SORCS2: variants seen among roughly 807,000 people sequenced by gnomAD.
SORCS2 encodes the protein VPS10 domain-containing receptor SorCS2.
In SORCS2, 100 loss-of-function variants were observed where a neutral mutation model predicts 141.6. The observed-to-expected ratio is 0.71, with a 90% CI of 0.60 to 0.83. SORCS2 has a LOEUF of 0.83. SORCS2 is among the 40% of genes least tolerant of loss of function. SORCS2 has a pLI of 0.00. For synonymous variants in SORCS2, 789 were observed against 676.9 expected (o/e 1.17, Z -2.57); for missense variants, 1,646 against 1,560.2 (o/e 1.05, Z -0.93).
chr4:7,210,954 T>G (rs889944549), intron 1 of SORCS2, among the ~76,000 whole-genome samples: 3 of 152,208 alleles, frequency 2.0e-5, no homozygotes, highest in Non-Finnish European at 4.4e-5. Flanking sequence ...AGGGCTCTTC[T>G]GGGAGTGGAA....
intron 1 of SORCS2, among the ~76,000 whole-genome samples, chr4:7,254,891 A>G (rs1332832189): frequency 6.6e-6 from 1 of 152,032 alleles, no homozygotes; most frequent in Admixed American, 6.5e-5. Context: ...GATCTGACTC[A>G]GCAGGTTTGG....
At chr4:7,434,923 G>A (rs1205456680) in intron 2 of SORCS2, 1 of 1,486,194 alleles carries the variant, frequency 6.7e-7, no homozygotes, top group South Asian at 1.4e-5. Flanking sequence ...AGCAGTGGCT[G>A]CTGCTATAAA....
At chr4:7,401,890 G>A (rs546670297) in intron 2 of SORCS2, among the ~76,000 whole-genome samples, 4 of 152,156 alleles carry the variant, frequency 2.6e-5, no homozygotes, top group South Asian at 2.1e-4. Flanking sequence ...ATTCTTTTTC[G>A]TTATCTTCAC....
At chr4:7,296,692 C>T (rs939475581) in intron 1 of SORCS2, among the ~76,000 whole-genome samples, 3 of 152,196 alleles carry the variant, frequency 2.0e-5, no homozygotes, top group South Asian at 2.1e-4. Context: ...CTGAGAAGTG[C>T]GGGGAGGGGT....
intron 2 of SORCS2, among the ~76,000 whole-genome samples, chr4:7,404,365 C>T (rs942868388): frequency 2.0e-5 from 3 of 152,034 alleles, no homozygotes; most frequent in Admixed American, 2.0e-4. Context: ...TGGGTAGGTA[C>T]CTAGTAGTGG....
chr4:7,254,698 A>G (rs1713729206), intron 1 of SORCS2, among the ~76,000 whole-genome samples: 1 of 152,200 alleles, frequency 6.6e-6, no homozygotes, highest in Non-Finnish European at 1.5e-5. Context: ...TGGGAATTCC[A>G]TGGACGTGAC....
chr4:7,684,551 C>T (rs16840820), intron 10 of SORCS2, among the ~76,000 whole-genome samples: 6,336 of 152,280 alleles, frequency 0.042, 178 homozygotes, highest in South Asian at 0.064. Flanking sequence ...CCCACTGTCA[C>T]CCATAAGCCC....
chr4:7,328,619 C>T (rs1027270416), intron 1 of SORCS2, among the ~76,000 whole-genome samples: 6 of 152,316 alleles, frequency 3.9e-5, no homozygotes, highest in African/African-American at 7.2e-5. Context: ...AGCACCTTCT[C>T]GTGCTCTGCC....
chr4:7,352,260 C>G (rs1017907570), intron 1 of SORCS2, among the ~76,000 whole-genome samples: 1 of 152,240 alleles, frequency 6.6e-6, no homozygotes, highest in African/African-American at 2.4e-5. Context: ...TCTCTCAGTG[C>G]TAAGAACTGA....
chr4:7,396,692 T>C (rs1473608359), intron 2 of SORCS2, among the ~76,000 whole-genome samples: 1 of 152,236 alleles, frequency 6.6e-6, no homozygotes, highest in Admixed American at 6.5e-5. Context: ...TCCCTTCACT[T>C]GTGCTCAGAA....
chr4:7,611,546 G>T (rs1718406594), intron 3 of SORCS2, among the ~76,000 whole-genome samples: 1 of 152,192 alleles, frequency 6.6e-6, no homozygotes, highest in African/African-American at 2.4e-5. Flanking sequence ...ATCACCCAAG[G>T]TGTCAGCCTT....
rs565544667 is a variant in SORCS2, at chr4:7,213,336, C to A, written c.480+20210C>A. Among the ~76,000 whole-genome samples, 6 of 152,226 alleles carry A rather than the reference C, an allele frequency of 3.9e-5. No individual in the cohort carries two copies. In the East Asian group the frequency reaches 1.2e-3, roughly 30 times the overall value. ...ACTGGGAGGCACAGAGGCAAGCTGT[C>A]TTGGGAGAGCTGGGACCTTTGTGTC... is the stretch of plus-strand genomic sequence containing the variant. On this transcript the variant is annotated intron_variant, in intron 1 of 26. Coordinates refer to ENST00000507866, the MANE Select transcript of SORCS2 (RefSeq NM_020777.3).
intron 13 of SORCS2, 69 bp from the exon 14 acceptor site, chr4:7,704,108 C>T (rs769926947): frequency 5.5e-5 from 80 of 1,451,014 alleles, no homozygotes; most frequent in South Asian, 8.5e-5. Flanking sequence ...CTGGACCCGC[C>T]GGGCAGAGTC....
chr4:7,400,876 T>G (rs867178537), intron 2 of SORCS2, among the ~76,000 whole-genome samples: 1 of 151,156 alleles, frequency 6.6e-6, no homozygotes, highest in Non-Finnish European at 1.5e-5. Context: ...AATGGAAGAA[T>G]AGGTGGATAG....
At chr4:7,712,611 G>A in intron 14 of SORCS2, 122 bp from the exon 15 acceptor site, 9 of 1,409,430 alleles carry the variant, frequency 6.4e-6, no homozygotes, top group Non-Finnish European at 8.8e-6. Flanking sequence ...GCAAGGGCAG[G>A]AGAAGGATAT....
intron 1 of SORCS2, among the ~76,000 whole-genome samples, chr4:7,302,788 TGCGCGCGC>T (rs151172912): frequency 4.0e-5 from 5 of 126,344 alleles, no homozygotes; most frequent in East Asian, 2.3e-4. Flanking sequence ...TGTGTGTGTG[TGCGCGCGC>T]GTGTGTGTGT....
chr4:7,318,762 G>C (rs1718716551), intron 1 of SORCS2, among the ~76,000 whole-genome samples: 1 of 152,062 alleles, frequency 6.6e-6, no homozygotes, highest in Non-Finnish European at 1.5e-5. Context: ...ACCAGAAAAT[G>C]TGCCGTTTTA....
intron 3 of SORCS2, among the ~76,000 whole-genome samples, chr4:7,534,848 A>G (rs1711977780): frequency 6.6e-6 from 1 of 152,260 alleles, no homozygotes; most frequent in African/African-American, 2.4e-5. Flanking sequence ...TATTGCTTCA[A>G]GCCACGGAGT....
At chr4:7,701,083 A>G (rs907809973) in intron 12 of SORCS2, among the ~76,000 whole-genome samples, 26 of 152,116 alleles carry the variant, frequency 1.7e-4, no homozygotes, top group Admixed American at 1.6e-3. Context: ...CAGCACCCCC[A>G]CCAGGGAGGG....
Sources: allele counts gnomAD v4.1 joint callset (sites outside exome capture counted in the v4.1 genomes callset), GRCh38; gene constraint gnomAD v4.1.1; transcripts MANE v1.5; gene names NCBI Gene and HGNC (gene_info 2026-07-23, HGNC 2026-07-21).